The following ELAPOR2 variants were observed in gnomAD, a reference collection of about 807,000 sequenced individuals.
ELAPOR2 encodes the protein endosome/lysosome-associated apoptosis and autophagy regulator family member 2.
A neutral mutation model predicts 120.7 loss-of-function variants in ELAPOR2; 89 were observed. That is an observed-to-expected ratio of 0.74 (90% CI 0.62 to 0.88). The LOEUF (loss-of-function observed/expected upper bound fraction) is 0.88, where lower values mean the gene tolerates loss of function less well. ELAPOR2 is among the 40% of genes least tolerant of loss of function. The pLI, the probability that ELAPOR2 is intolerant of heterozygous loss-of-function variation, is 0.00. For synonymous variants in ELAPOR2, 444 were observed against 444.9 expected, an observed-to-expected ratio of 1.00 and a Z score of 0.03; for missense variants, 1,134 against 1,251.6, an observed-to-expected ratio of 0.91 and a Z score of 1.42.
chr7:86,887,044 A>G (rs899718310), intron 21 of ELAPOR2, among the ~76,000 whole-genome samples: 15 of 152,110 alleles, frequency 9.9e-5, no homozygotes, highest in Non-Finnish European at 1.3e-4. Context: ...TGACTTACTG[A>G]CTCAAGCTAT....
At chr7:86,929,850 A>AGT (rs1790248756) in intron 8 of ELAPOR2, among the ~76,000 whole-genome samples, 1 of 151,764 alleles carries the variant, frequency 6.6e-6, no homozygotes, top group Non-Finnish European at 1.5e-5. Context: ...CTGGTTTAAA[A>AGT]GTGTGTGGCA....
intron 1 of ELAPOR2, among the ~76,000 whole-genome samples, chr7:87,049,728 A>G (rs1264849972): frequency 6.6e-6 from 1 of 152,248 alleles, no homozygotes; most frequent in Admixed American, 6.5e-5. Context: ...AGAAAGGAGC[A>G]TGCATAACAC....
In ELAPOR2 at chr7:86,945,112, A is replaced by T. The variant is rs1263633160; in HGVS notation, c.507-66T>A. On this transcript the variant is annotated intron_variant, in intron 3 of 21. Coordinates refer to ENST00000450689, the MANE Select transcript of ELAPOR2 (RefSeq NM_001142749.3). Reference sequence around the variant, plus strand: ...TGAAACCTCTTCTATTCACAAAACTATGTAACTCAGATTCACGAGTAGTTC... The same window carrying T: ...TGAAACCTCTTCTATTCACAAAACTTTGTAACTCAGATTCACGAGTAGTTC... 1.1e-5 allele frequency: 15 copies of T among 1,415,682 alleles called. No homozygotes were observed. The South Asian group carries it at 1.6e-4, about 15-fold the overall frequency. The allele number at this position is 1,415,682 out of a possible 1,614,324, so 87.7% of individuals were successfully genotyped here.
At chr7:86,961,329 T>C (rs1435427426) in intron 2 of ELAPOR2, among the ~76,000 whole-genome samples, 1 of 152,146 alleles carries the variant, frequency 6.6e-6, no homozygotes, top group African/African-American at 2.4e-5. Flanking sequence ...TATATTAAGG[T>C]TGTACCTGAA....
At chr7:86,887,832 C>A (rs1258769693) in intron 21 of ELAPOR2, among the ~76,000 whole-genome samples, 1 of 152,090 alleles carries the variant, frequency 6.6e-6, no homozygotes, top group Non-Finnish European at 1.5e-5. Flanking sequence ...GGGATCATCT[C>A]CTTTTGGCCA....
Position 86,913,030 on chromosome 7 carries a change from C to T in ELAPOR2, c.1906G>A (p.Glu636Lys), listed in dbSNP as rs1789389288. Residue 636 changes from glutamate to lysine, a missense_variant, in exon 14 of 22, where the codon GAA becomes AAA. By Grantham distance (56) the Glu-to-Lys change is moderately conservative. This residue lies in a region of ELAPOR2 where 831 missense variants were observed against 867.6 expected (regional missense o/e 0.96). Coordinates refer to ENST00000450689, the MANE Select transcript of ELAPOR2 (RefSeq NM_001142749.3). ...YIEKETNQCK[E>K]CPPDTYLSIH... is the part of the protein sequence containing the mutation. ...GACAGGTAGGTGTCAGGTGGACATT[C>T]CTTGCACTGGTTGGTTTCTTTCTCA... The T allele has an allele frequency of 1.2e-6, 2 of 1,613,912 alleles. No individual in the cohort carries two copies. The highest frequency in any genetic ancestry group is 1.7e-5 in the Admixed American group (1 of 59,978).
intron 1 of ELAPOR2, among the ~76,000 whole-genome samples, chr7:87,014,106 T>C (rs1315230582): frequency 6.6e-6 from 1 of 151,932 alleles, no homozygotes; most frequent in Non-Finnish European, 1.5e-5. Flanking sequence ...CTAGAAGGCT[T>C]TGATGTTCCT....
intron 1 of ELAPOR2, among the ~76,000 whole-genome samples, chr7:87,042,602 T>C (rs1345958366): frequency 6.6e-6 from 1 of 151,712 alleles, no homozygotes; most frequent in African/African-American, 2.4e-5. Flanking sequence ...CTGGGATGCA[T>C]TCAAAGCAGT....
At chr7:86,993,788 G>A (rs928308514) in intron 1 of ELAPOR2, among the ~76,000 whole-genome samples, 9 of 152,240 alleles carry the variant, frequency 5.9e-5, no homozygotes, top group Admixed American at 3.3e-4. Flanking sequence ...CAACACTCCA[G>A]ACAAACTAGT....
chr7:87,050,244 G>A (rs977578918), intron 1 of ELAPOR2, among the ~76,000 whole-genome samples: 4 of 152,178 alleles, frequency 2.6e-5, no homozygotes, highest in Non-Finnish European at 5.9e-5. Context: ...TTGGATATTT[G>A]TCACCACCCA....
intron 16 of ELAPOR2, among the ~76,000 whole-genome samples, 155 bp from the exon 17 acceptor site, chr7:86,908,698 A>G (rs1484893208): frequency 6.6e-6 from 1 of 152,104 alleles, no homozygotes; most frequent in East Asian, 1.9e-4. Context: ...TAAAAACAAG[A>G]AATTTTCCAA....
chr7:86,882,085 G>A (rs775973838), intron 21 of ELAPOR2, among the ~76,000 whole-genome samples: 21 of 152,218 alleles, frequency 1.4e-4, no homozygotes, highest in Non-Finnish European at 2.9e-4. Context: ...CTCTGGAAGA[G>A]CAGACTGTAG....
chr7:87,022,125 A>T (rs965262414), intron 1 of ELAPOR2, among the ~76,000 whole-genome samples: 2 of 152,052 alleles, frequency 1.3e-5, no homozygotes, highest in Admixed American at 6.6e-5. Flanking sequence ...CATGTGCACA[A>T]CATGCAGGTT....
At chr7:86,991,950 A>G (rs571669230) in intron 1 of ELAPOR2, among the ~76,000 whole-genome samples, 2 of 152,384 alleles carry the variant, frequency 1.3e-5, no homozygotes, top group East Asian at 3.9e-4. Flanking sequence ...CAAGCTATAA[A>G]GAAGCCTGGG....
Position 86,947,798 on chromosome 7 carries a change from T to C in ELAPOR2, c.435A>G (p.Gly145=). Residue 145 remains glycine (G), a synonymous_variant, in exon 3 of 22, where the codon GGA becomes GGG. Transcript: ENST00000450689. ...CCATGAATGTTGCGATGTTAGAAAATCCTGCCGGCAATTCATCCCATTCAT... is the reference window on the plus strand; with the variant it reads ...CCATGAATGTTGCGATGTTAGAAAACCCTGCCGGCAATTCATCCCATTCAT... ...KFDEWDELPA[G]FSNIATFMDT... is the part of the protein sequence containing the mutation. The C allele has an allele frequency of 1.9e-6, 3 of 1,551,770 alleles. No homozygotes were observed. Among genetic ancestry groups the C allele is most frequent in the Non-Finnish European group, 2.6e-6 (3 of 1,147,004 alleles).
In ELAPOR2 at chr7:86,879,658, ATTTAC is replaced by A. The variant is rs1479180895; in HGVS notation, c.*808_*812del. 2 of 152,112 alleles carry A rather than the reference ATTTAC, an allele frequency of 1.3e-5. No homozygotes were observed. Among genetic ancestry groups the A allele is most frequent in the Admixed American group, 6.6e-5 (1 of 15,258 alleles). The allele number at this position is 152,112 out of a possible 1,614,324, so 9.4% of individuals were successfully genotyped here. The stretch of plus-strand genomic sequence containing the variant: ...AGTGATTTGATTGACAAGCTTTCCT[ATTTAC>A]TTTAATTATACTTCTAGCACTACAT... On this transcript the variant is annotated 3_prime_UTR_variant, in exon 22 of 22. Coordinates refer to ENST00000450689, the MANE Select transcript of ELAPOR2 (RefSeq NM_001142749.3).
intron 13 of ELAPOR2, among the ~76,000 whole-genome samples, chr7:86,914,408 C>A (rs1789464914): frequency 6.6e-6 from 1 of 152,118 alleles, no homozygotes; most frequent in Non-Finnish European, 1.5e-5. Flanking sequence ...CACAAAGCCT[C>A]AGAAAGCTTT....
rs200295149 is a variant in ELAPOR2 at position 86,918,470 on chromosome 7, G to A, written c.1565C>T (p.Ser522Leu). 179 of 1,612,938 alleles carry A rather than the reference G, an allele frequency of 1.1e-4. No individual in the cohort carries two copies. The highest frequency in any genetic ancestry group is 1.5e-4 in the Non-Finnish European group (176 of 1,179,262). Residue 522 changes from serine (S) to leucine (L), a missense_variant, in exon 12 of 22, where the codon TCA becomes TTA. Ser to Leu is a moderately radical substitution (Grantham distance 145). This residue lies in a region of ELAPOR2 where 831 missense variants were observed against 867.6 expected (regional missense o/e 0.96). Coordinates refer to ENST00000450689, the MANE Select transcript of ELAPOR2 (RefSeq NM_001142749.3). The part of the protein sequence containing the change: ...RITFVFETLC[S>L]ADCVLYFMVD... Reference sequence around the variant, plus strand: ...CATGAAGTACAAAACACAGTCAGCTGAACAGAGGGTCTCAAAGACAAATGT... The same window carrying A: ...CATGAAGTACAAAACACAGTCAGCTAAACAGAGGGTCTCAAAGACAAATGT...
chr7:86,985,653 A>T (rs888627900), intron 1 of ELAPOR2, among the ~76,000 whole-genome samples: 25 of 152,174 alleles, frequency 1.6e-4, no homozygotes, highest in African/African-American at 6.0e-4. Flanking sequence ...CTCATGCTAA[A>T]AACTCTCAAT....
Sources: gnomAD v4.1 joint callset for allele counts (sites outside exome capture counted in the v4.1 genomes callset) on GRCh38, gnomAD v4.1.1 for gene constraint, gnomAD v4.1.1 regional missense constraint, MANE v1.5 for transcripts, NCBI Gene and HGNC (gene_info 2026-07-23, HGNC 2026-07-21) for gene names.